MARCHF1: variants seen among roughly 807,000 people sequenced by gnomAD.
MARCHF1 encodes E3 ubiquitin-protein ligase MARCHF1.
In MARCHF1, 40 loss-of-function variants were observed where a neutral mutation model predicts 54.2. The ratio of observed to expected loss-of-function variants is 0.74; its 90% CI spans 0.57 to 0.96. The LOEUF is 0.96. MARCHF1 is among the 40% of genes least tolerant of loss of function. The pLI is 0.00. For synonymous variants in MARCHF1, 236 were observed against 236.3 expected, an observed-to-expected ratio of 1.00 and a Z score of 0.01; for missense variants, 586 against 656.5, an observed-to-expected ratio of 0.89 and a Z score of 1.17.
intron 4 of MARCHF1, among the ~76,000 whole-genome samples, chr4:163,716,163 G>C (rs949852923): frequency 2.0e-5 from 3 of 152,030 alleles, no homozygotes; most frequent in Non-Finnish European, 4.4e-5. Context: ...TTCTTTACTT[G>C]GCAACATGTT....
intron 4 of MARCHF1, among the ~76,000 whole-genome samples, chr4:163,811,954 T>C (rs1748399571): frequency 6.6e-6 from 1 of 152,150 alleles, no homozygotes; most frequent in African/African-American, 2.4e-5. Flanking sequence ...AGACTGAGTA[T>C]AGCAAATGAC....
chr4:163,962,940 A>G (rs557136230), intron 3 of MARCHF1, among the ~76,000 whole-genome samples: 1 of 152,040 alleles, frequency 6.6e-6, no homozygotes, highest in Non-Finnish European at 1.5e-5. Context: ...TGAACAACAG[A>G]GCCTGTATAT....
intron 2 of MARCHF1, among the ~76,000 whole-genome samples, chr4:164,109,378 T>C (rs916038999): frequency 6.6e-6 from 1 of 152,010 alleles, no homozygotes; most frequent in Non-Finnish European, 1.5e-5. Context: ...CTTGAAAATC[T>C]ACACTAATAA....
chr4:164,072,044 A>G (rs959350347), intron 2 of MARCHF1, among the ~76,000 whole-genome samples: 5 of 152,156 alleles, frequency 3.3e-5, no homozygotes, highest in African/African-American at 2.4e-5. Flanking sequence ...CAAAAAAAAA[A>G]AGAAGTAATA....
At chr4:163,641,507 C>T (rs1168117938) in intron 5 of MARCHF1, among the ~76,000 whole-genome samples, 10 of 152,068 alleles carry the variant, frequency 6.6e-5, no homozygotes, top group Non-Finnish European at 1.3e-4. Context: ...ACATATAAGA[C>T]GAGAAGTAGG....
chr4:163,893,622 C>A (rs1297348469), intron 3 of MARCHF1, among the ~76,000 whole-genome samples: 4 of 152,122 alleles, frequency 2.6e-5, no homozygotes, highest in Non-Finnish European at 5.9e-5. Flanking sequence ...ATTTAAATGT[C>A]TTCCCCATTT....
At chr4:163,824,460 C>T (rs905286737) in intron 4 of MARCHF1, among the ~76,000 whole-genome samples, 56 of 144,786 alleles carry the variant, frequency 3.9e-4, no homozygotes, top group Non-Finnish European at 7.5e-4. Context: ...AAACTGGATC[C>T]CTTCCTTACA....
intron 1 of MARCHF1, among the ~76,000 whole-genome samples, chr4:164,331,142 T>C (rs1284703291): frequency 5.3e-5 from 8 of 152,116 alleles, no homozygotes; most frequent in Non-Finnish European, 1.0e-4. Flanking sequence ...TTAAAAATAA[T>C]AATAATGAGA....
At chr4:164,252,866 A>G (rs1733167811) in intron 1 of MARCHF1, among the ~76,000 whole-genome samples, 1 of 152,126 alleles carries the variant, frequency 6.6e-6, no homozygotes, top group South Asian at 2.1e-4. Context: ...CGGAAGTTCT[A>G]AGATCTATTT....
chr4:164,350,834 C>T (rs1342533775), intron 1 of MARCHF1, among the ~76,000 whole-genome samples: 1 of 151,824 alleles, frequency 6.6e-6, no homozygotes, highest in Non-Finnish European at 1.5e-5. Flanking sequence ...GTGATTTCTG[C>T]ATTTCCATCT....
At chr4:164,239,550 G>A (rs975909312) in intron 1 of MARCHF1, among the ~76,000 whole-genome samples, 1 of 152,000 alleles carries the variant, frequency 6.6e-6, no homozygotes, top group Non-Finnish European at 1.5e-5. Context: ...TTTCCTGCTG[G>A]ATTATACAGT....
At chr4:164,078,077 C>G (rs527913665) in intron 2 of MARCHF1, among the ~76,000 whole-genome samples, 1 of 152,170 alleles carries the variant, frequency 6.6e-6, no homozygotes, top group Non-Finnish European at 1.5e-5. Flanking sequence ...AAGACACATG[C>G]ACACGTATGT....
At chr4:163,599,591 C>G (rs1358044945) in intron 7 of MARCHF1, among the ~76,000 whole-genome samples, 1 of 152,164 alleles carries the variant, frequency 6.6e-6, no homozygotes, top group Non-Finnish European at 1.5e-5. Flanking sequence ...TACCTATCCC[C>G]ATGCACAGTG....
intron 1 of MARCHF1, among the ~76,000 whole-genome samples, chr4:164,322,253 T>TA (rs1252743108): frequency 6.6e-6 from 1 of 151,950 alleles, no homozygotes; most frequent in African/African-American, 2.4e-5. Context: ...TAGTGTTGGG[T>TA]AAAAATACAA....
chr4:163,686,561 A>G (rs902567577), intron 5 of MARCHF1, among the ~76,000 whole-genome samples: 4 of 151,396 alleles, frequency 2.6e-5, no homozygotes, highest in Non-Finnish European at 5.9e-5. Flanking sequence ...CCTTAAATAT[A>G]TACTTATCAA....
At chr4:163,733,479 A>G (rs1317914159) in intron 4 of MARCHF1, among the ~76,000 whole-genome samples, 1 of 148,680 alleles carries the variant, frequency 6.7e-6, no homozygotes, top group East Asian at 2.0e-4. Flanking sequence ...TTATACTTTA[A>G]GTTTTAGGGT....
chr4:163,660,345 T>C (rs1338403255), intron 5 of MARCHF1, among the ~76,000 whole-genome samples: 1 of 151,402 alleles, frequency 6.6e-6, no homozygotes, highest in Non-Finnish European at 1.5e-5. Context: ...TAAGTGGGAG[T>C]TGAACAATGA....
At chr4:163,698,755 AC>A (rs768154187) in intron 5 of MARCHF1, among the ~76,000 whole-genome samples, 23 of 152,284 alleles carry the variant, frequency 1.5e-4, no homozygotes, top group Admixed American at 3.9e-4. Flanking sequence ...ATATAATTTC[AC>A]CCCTAGATCA....
chr4:163,662,372 A>G (rs2111103150), intron 5 of MARCHF1, among the ~76,000 whole-genome samples: 1 of 152,014 alleles, frequency 6.6e-6, no homozygotes, highest in Admixed American at 6.6e-5. Context: ...AAACTCCTGA[A>G]TTAATTCTTA....
Sources: gnomAD v4.1 joint callset for allele counts (sites outside exome capture counted in the v4.1 genomes callset) on GRCh38, gnomAD v4.1.1 for gene constraint, MANE v1.5 for transcripts, NCBI Gene and HGNC (gene_info 2026-07-23, HGNC 2026-07-21) for gene names.